Variants in CFI observed in about 807,000 individuals in gnomAD.
The protein encoded by CFI is complement factor I.
In CFI, 66 loss-of-function variants were observed where a neutral mutation model predicts 78.8. The observed-to-expected ratio is 0.84, with a 90% CI of 0.69 to 1.03. CFI has a LOEUF of 1.03. CFI is among the 50% of genes least tolerant of loss of function. The pLI, the probability that CFI is intolerant of heterozygous loss-of-function variation, is 0.00. For missense variants in CFI, 706 were observed against 704.5 expected (o/e 1.00, Z -0.02); for synonymous variants, 250 against 232.6 (o/e 1.07, Z -0.68).
At chr4:109,767,391 G>A (rs1362310918) in intron 1 of CFI, among the ~76,000 whole-genome samples, 1 of 151,176 alleles carries the variant, frequency 6.6e-6, no homozygotes, top group African/African-American at 2.4e-5. Flanking sequence ...ATCTGACAAA[G>A]GGCTAATATC....
downstream of CFI, among the ~76,000 whole-genome samples, chr4:109,736,634 T>G (rs916862121): frequency 6.6e-6 from 1 of 152,142 alleles, no homozygotes; most frequent in African/African-American, 2.4e-5. Flanking sequence ...AAAGATATTT[T>G]CAAGGTATCT....
intron 11 of CFI, among the ~76,000 whole-genome samples, chr4:109,743,387 G>A (rs951076204): frequency 1.3e-5 from 2 of 152,198 alleles, no homozygotes; most frequent in African/African-American, 4.8e-5. Flanking sequence ...ACTCTTGTAA[G>A]CTTCTTGAGG....
chr4:109,743,158 A>G lies in CFI; in HGVS notation c.1430-563T>C, dbSNP rs187211899. Among the ~76,000 whole-genome samples the G allele has an allele frequency of 7.9e-5, 12 of 152,330 alleles. No individual in the cohort carries two copies. In the East Asian group the frequency reaches 2.3e-3, roughly 29 times the overall value. ...AGTGATCTGCCCCACTCAGCCTCCC[A>G]AAGTGCTGGGATTACAGGCATGAGC... On this transcript the variant is annotated intron_variant, in intron 11 of 12. Transcript: ENST00000394634.
chr4:109,798,877 CAAG>C (rs539827352), intron 1 of CFI, among the ~76,000 whole-genome samples: 10,127 of 147,584 alleles, frequency 0.069, 644 homozygotes, highest in East Asian at 0.19. Flanking sequence ...TCCTTCAATG[CAAG>C]AGGAGGGAGA....
chr4:109,733,181 C>T, the CFI span, among the ~76,000 whole-genome samples: 1 of 152,132 alleles, frequency 6.6e-6, no homozygotes, highest in South Asian at 2.1e-4. Context: ...CCAAGTTGGC[C>T]AGGCTGGTCT....
downstream of CFI, among the ~76,000 whole-genome samples, chr4:109,739,405 G>A (rs1019041445): frequency 2.6e-5 from 4 of 152,162 alleles, no homozygotes; most frequent in Admixed American, 6.5e-5. Flanking sequence ...TGTAGTTGGA[G>A]GAGACAGTGT....
At chr4:109,754,879 A>G (rs939111640) in intron 7 of CFI, among the ~76,000 whole-genome samples, 1 of 152,200 alleles carries the variant, frequency 6.6e-6, no homozygotes, top group Non-Finnish European at 1.5e-5. Context: ...ACTTGATTTA[A>G]TATAATCAAA....
At chr4:109,772,257 A>G (rs928057148) in intron 1 of CFI, among the ~76,000 whole-genome samples, 6 of 152,380 alleles carry the variant, frequency 3.9e-5, no homozygotes, top group African/African-American at 1.4e-4. Flanking sequence ...GGTAAGTCAC[A>G]TGTATCTCAA....
At chr4:109,795,252 G>A (rs182689157) in intron 1 of CFI, among the ~76,000 whole-genome samples, 6 of 152,126 alleles carry the variant, frequency 3.9e-5, no homozygotes, top group East Asian at 3.9e-4. Context: ...CCACAGCACC[G>A]AGCCCACTGG....
intron 11 of CFI, 57 bp downstream of exon 11, chr4:109,746,165 C>A: frequency 6.3e-7 from 1 of 1,584,264 alleles, no homozygotes; most frequent in Non-Finnish European, 8.7e-7. Context: ...CTATACATTT[C>A]TATTCTCTTT....
chr4:109,792,504 G>T (rs1420896171), intron 1 of CFI, among the ~76,000 whole-genome samples: 1 of 152,042 alleles, frequency 6.6e-6, no homozygotes, highest in Non-Finnish European at 1.5e-5. Context: ...TGAATCAGCT[G>T]CAGTGAGCCG....
At chr4:109,765,343 T>A (rs1727598060) in intron 2 of CFI, among the ~76,000 whole-genome samples, 1 of 152,216 alleles carries the variant, frequency 6.6e-6, no homozygotes, top group African/African-American at 2.4e-5. Context: ...GGTAATGAAG[T>A]GTCTGTAATA....
chr4:109,786,918 G>A (rs1375693149), intron 1 of CFI, among the ~76,000 whole-genome samples: 3 of 151,884 alleles, frequency 2.0e-5, no homozygotes, highest in Admixed American at 6.6e-5. Flanking sequence ...ATGCTTTACC[G>A]GGCACAGGGT....
intron 2 of CFI, 28 bp from the exon 3 acceptor site, chr4:109,764,718 A>G (rs868229871): frequency 6.2e-7 from 1 of 1,600,102 alleles, no homozygotes; most frequent in Admixed American, 1.7e-5. Context: ...AATAATGTGC[A>G]ATATGTAGCC....
intron 10 of CFI, among the ~76,000 whole-genome samples, chr4:109,748,237 G>C (rs536905012): frequency 6.6e-6 from 1 of 152,250 alleles, no homozygotes; most frequent in Admixed American, 6.5e-5. Flanking sequence ...CAGGATCACA[G>C]GTTGTAAATA....
intron 3 of CFI, among the ~76,000 whole-genome samples, chr4:109,763,121 A>G (rs550965321): frequency 1.3e-5 from 2 of 152,310 alleles, no homozygotes; most frequent in African/African-American, 4.8e-5. Context: ...AAGTTGGTAA[A>G]CATGAAGTAA....
intron 1 of CFI, among the ~76,000 whole-genome samples, chr4:109,773,182 C>T (rs1728801771): frequency 6.6e-6 from 1 of 152,168 alleles, no homozygotes; most frequent in Non-Finnish European, 1.5e-5. Context: ...ACACATGTAA[C>T]ATGGGTTCCC....
intron 1 of CFI, among the ~76,000 whole-genome samples, chr4:109,771,590 T>G (rs1348801414): frequency 6.6e-6 from 1 of 151,092 alleles, no homozygotes; most frequent in Non-Finnish European, 1.5e-5. Context: ...GGTGTGTGCC[T>G]GTAATCCCAG....
intron 6 of CFI, 199 bp from the exon 7 acceptor site, chr4:109,757,982 C>T (rs1045753203): frequency 4.1e-6 from 6 of 1,451,656 alleles, no homozygotes; most frequent in Non-Finnish European, 5.5e-6. Flanking sequence ...ACAAAAAACT[C>T]ACTATAGCAA....
Sources: allele counts gnomAD v4.1 joint callset (sites outside exome capture counted in the v4.1 genomes callset), GRCh38; gene constraint gnomAD v4.1.1; transcripts MANE v1.5; gene names NCBI Gene and HGNC (gene_info 2026-07-23, HGNC 2026-07-21).